The following KAZN variants were observed in gnomAD, a reference collection of about 807,000 sequenced individuals.
KAZN encodes the protein kazrin, periplakin interacting protein.
In KAZN, 40 loss-of-function variants were observed where a neutral mutation model predicts 87.4. The observed-to-expected ratio is 0.46, with a 90% CI of 0.36 to 0.60. The LOEUF is 0.60. Among genes scored for constraint, KAZN ranks in the 20% least tolerant of loss-of-function variants. The probability of loss-of-function intolerance (pLI) is 0.00; values close to 1 mark genes in which losing one functional copy is unlikely to be tolerated. For missense variants in KAZN, 898 were observed against 1,073.9 expected (o/e 0.84, Z 2.29); for synonymous variants, 466 against 458.3 (o/e 1.02, Z -0.22).
chr1:14,564,773 A>T (rs1427459307), intron 2 of KAZN, among the ~76,000 whole-genome samples: 2 of 152,294 alleles, frequency 1.3e-5, no homozygotes, highest in East Asian at 1.9e-4. Context: ...AGATCATACC[A>T]CTGCACTCCA....
At chr1:15,089,357 C>T (rs1459254046) in intron 8 of KAZN, among the ~76,000 whole-genome samples, 1 of 152,128 alleles carries the variant, frequency 6.6e-6, no homozygotes, top group Non-Finnish European at 1.5e-5. Flanking sequence ...CCACCCCTCC[C>T]ACCTTGACCA....
intron 1 of KAZN, among the ~76,000 whole-genome samples, chr1:13,917,869 A>C (rs1055167586): frequency 1.1e-4 from 16 of 152,086 alleles, no homozygotes; most frequent in African/African-American, 3.9e-4. Context: ...TAAATGGAAC[A>C]GCAAAGCCTG....
At chr1:14,127,587 C>T (rs531481315) in intron 1 of KAZN, among the ~76,000 whole-genome samples, 3 of 152,098 alleles carry the variant, frequency 2.0e-5, no homozygotes, top group Non-Finnish European at 2.9e-5. Context: ...AGAAGTGCTC[C>T]GGCGTCCTCC....
At chr1:15,073,666 C>T (rs1319975167) in intron 8 of KAZN, among the ~76,000 whole-genome samples, 3 of 152,170 alleles carry the variant, frequency 2.0e-5, no homozygotes, top group South Asian at 2.1e-4. Flanking sequence ...AGAGGTTCCC[C>T]GAGTCTCCGA....
chr1:14,739,980 A>T (rs77082446), intron 1 of KAZN, among the ~76,000 whole-genome samples: 3 of 152,104 alleles, frequency 2.0e-5, no homozygotes, highest in Non-Finnish European at 2.9e-5. Context: ...TTATTGGGGC[A>T]TTTGCTGAGC....
In KAZN at chr1:15,101,772, G is replaced by C. The variant is rs764910397; in HGVS notation, c.1777G>C (p.Glu593Gln). The C allele has an allele frequency of 6.4e-7, 1 of 1,570,150 alleles. No individual in the cohort carries two copies. Among genetic ancestry groups the C allele is most frequent in the South Asian group, 1.2e-5 (1 of 85,138 alleles). Residue 593 changes from glutamate (E) to glutamine (Q), a missense_variant and splice_region_variant, in exon 11 of 15, where the codon GAG (glutamate) becomes CAG (glutamine). By Grantham distance (29) the Glu-to-Gln change is conservative. Coordinates refer to ENST00000376030, the MANE Select transcript of KAZN (RefSeq NM_201628.3). ...GCTGTACCAAGTGAACTTCAGCAGG[G>C]AGGTGAGGACCAGGGCACAGGGTGG... ...ELLYQVNFSR[E>Q]ALQERRARCE...
chr1:14,716,838 A>C (rs1642822363), intron 1 of KAZN, among the ~76,000 whole-genome samples: 2 of 152,034 alleles, frequency 1.3e-5, no homozygotes, highest in Non-Finnish European at 2.9e-5. Flanking sequence ...TGGTTTTGTT[A>C]AATCCATTTA....
chr1:14,467,645 A>G (rs1233583188), intron 2 of KAZN, among the ~76,000 whole-genome samples: 1 of 150,886 alleles, frequency 6.6e-6, no homozygotes, highest in Non-Finnish European at 1.5e-5. Flanking sequence ...AGATGGAAAA[A>G]GAAATGCCTG....
At chr1:13,933,183 T>A (rs952768276) in intron 1 of KAZN, among the ~76,000 whole-genome samples, 1 of 149,908 alleles carries the variant, frequency 6.7e-6, no homozygotes, top group African/African-American at 2.5e-5. Context: ...CTTCATTGTA[T>A]TTTTTTTTTC....
At chr1:14,109,179 G>A (rs1644446148) in intron 1 of KAZN, among the ~76,000 whole-genome samples, 1 of 152,184 alleles carries the variant, frequency 6.6e-6, no homozygotes, top group Non-Finnish European at 1.5e-5. Context: ...TGGAGCCAAG[G>A]ACAACATCTA....
At chr1:14,672,287 G>A (rs1639962702) in intron 1 of KAZN, among the ~76,000 whole-genome samples, 1 of 152,140 alleles carries the variant, frequency 6.6e-6, no homozygotes, top group African/African-American at 2.4e-5. Flanking sequence ...CCTCCAAATC[G>A]AGTGGTAGGT....
chr1:14,922,722 G>A (rs943384549), intron 1 of KAZN, among the ~76,000 whole-genome samples: 1 of 151,238 alleles, frequency 6.6e-6, no homozygotes, highest in African/African-American at 2.4e-5. Context: ...AACCCGGGAG[G>A]CGGAAGTTGC....
chr1:13,977,202 ATAT>A (rs1638405040), intron 1 of KAZN, among the ~76,000 whole-genome samples: 1 of 152,198 alleles, frequency 6.6e-6, no homozygotes, highest in South Asian at 2.1e-4. Context: ...TTTGTTCTAG[ATAT>A]TATCCGTCTG....
At chr1:14,052,648 G>A (rs190474100) in intron 1 of KAZN, among the ~76,000 whole-genome samples, 132 of 152,310 alleles carry the variant, frequency 8.7e-4, no homozygotes, top group African/African-American at 3.0e-3. Flanking sequence ...GTTGGGATGT[G>A]TAGGGGGGCA....
chr1:13,899,549 A>G (rs534644228), intron 1 of KAZN, among the ~76,000 whole-genome samples: 2 of 152,018 alleles, frequency 1.3e-5, no homozygotes, highest in African/African-American at 4.8e-5. Flanking sequence ...GTCACTCCTC[A>G]TAACATGTTA....
chr1:14,930,230 G>A (rs1056298655), intron 1 of KAZN, among the ~76,000 whole-genome samples: 1 of 152,154 alleles, frequency 6.6e-6, no homozygotes, highest in Non-Finnish European at 1.5e-5. Flanking sequence ...CCGTGGTCTC[G>A]TCTTTTGTTG....
intron 2 of KAZN, among the ~76,000 whole-genome samples, chr1:14,274,023 T>C (rs1652157156): frequency 6.6e-6 from 1 of 152,190 alleles, no homozygotes; most frequent in Non-Finnish European, 1.5e-5. Context: ...GGTTTGCTTC[T>C]CCTATTTATG....
chr1:14,382,926 G>T (rs1274500356), intron 2 of KAZN, among the ~76,000 whole-genome samples: 4 of 151,708 alleles, frequency 2.6e-5, no homozygotes, highest in African/African-American at 4.8e-5. Context: ...CTAGTTTACA[G>T]TCCCACCAAC....
At chr1:14,124,712 G>A (rs113398528) in intron 1 of KAZN, among the ~76,000 whole-genome samples, 1 of 149,176 alleles carries the variant, frequency 6.7e-6, no homozygotes, top group Non-Finnish European at 1.5e-5. Context: ...TGGCAATGTT[G>A]GTGTGGACGT....
Sources: allele counts gnomAD v4.1 joint callset (sites outside exome capture counted in the v4.1 genomes callset), GRCh38; gene constraint gnomAD v4.1.1; transcripts MANE v1.5; gene names NCBI Gene and HGNC (gene_info 2026-07-23, HGNC 2026-07-21).